The following XCR1 variants were observed in gnomAD, a reference collection of about 807,000 sequenced individuals.
The protein encoded by XCR1 is chemokine XC receptor 1.
For synonymous variants in XCR1, 187 were observed against 188.5 expected, an observed-to-expected ratio of 0.99 and a Z score of 0.06; for missense variants, 356 against 424.2, an observed-to-expected ratio of 0.84 and a Z score of 1.41.
intron 5 of XCR1, among the ~76,000 whole-genome samples, chr3:46,038,378 T>C (rs1342847415): frequency 6.6e-6 from 1 of 152,164 alleles, no homozygotes; most frequent in African/African-American, 2.4e-5. Context: ...CTGAGTAGGA[T>C]AAAAATTTGG....
chr3:46,020,750 G>T lies in XCR1; in HGVS notation c.*196C>A. The T allele has an allele frequency of 1.4e-6, 1 of 714,908 alleles. No homozygotes were observed. The highest frequency in any genetic ancestry group is 2.2e-6 in the Non-Finnish European group (1 of 453,444). The allele number at this position is 714,908 out of a possible 1,614,324, so 44.3% of individuals were successfully genotyped here. On this transcript the variant is annotated 3_prime_UTR_variant, in exon 2 of 2. Coordinates refer to ENST00000309285, the MANE Select transcript of XCR1 (RefSeq NM_001024644.2). ...TTGGATGGCAGTATAAAATTCCCAG[G>T]TAGGAAGCCACTTTCCCGCAGATGA...
chr3:46,081,285 C>A (rs1010832952), intron 1 of XCR1, among the ~76,000 whole-genome samples: 1 of 152,172 alleles, frequency 6.6e-6, no homozygotes, highest in African/African-American at 2.4e-5. Context: ...AAGTTTTTAA[C>A]CTCTCCTGGC....
intron 2 of XCR1, among the ~76,000 whole-genome samples, chr3:46,076,728 T>A (rs548746315): frequency 1.3e-5 from 2 of 152,108 alleles, no homozygotes; most frequent in Non-Finnish European, 2.9e-5. Flanking sequence ...ACCTCAATGG[T>A]CCCAAACTGA....
At chr3:46,083,337 A>T (rs1417021091) in intron 1 of XCR1, among the ~76,000 whole-genome samples, 1 of 152,218 alleles carries the variant, frequency 6.6e-6, no homozygotes, top group Non-Finnish European at 1.5e-5. Context: ...TGGTCCTGTA[A>T]GTGTCTAAGA....
At chr3:46,023,376 C>A in intron 1 of XCR1, 1 of 1,441,038 alleles carries the variant, frequency 6.9e-7, no homozygotes, top group Non-Finnish European at 9.7e-7. Context: ...CAGGCAAATA[C>A]GAAGAGGCGA....
At chr3:46,034,022 G>A (rs1344663390) in intron 5 of XCR1, among the ~76,000 whole-genome samples, 1 of 151,992 alleles carries the variant, frequency 6.6e-6, no homozygotes, top group African/African-American at 2.4e-5. Flanking sequence ...TGCCAGGCTG[G>A]AGTGCAGTGG....
chr3:46,062,314 T>C (rs951144928), intron 4 of XCR1, among the ~76,000 whole-genome samples: 35 of 152,278 alleles, frequency 2.3e-4, no homozygotes, highest in African/African-American at 8.4e-4. Flanking sequence ...CCTCAGCTAC[T>C]TCCACCATGA....
chr3:46,079,057 A>C (rs951723535), intron 1 of XCR1, among the ~76,000 whole-genome samples: 9 of 152,236 alleles, frequency 5.9e-5, no homozygotes, highest in Non-Finnish European at 7.3e-5. Context: ...CTAGAGGAGC[A>C]GTGCTCGTAA....
chr3:46,067,310 GA>G (rs1698095230), intron 3 of XCR1, among the ~76,000 whole-genome samples: 1 of 152,202 alleles, frequency 6.6e-6, no homozygotes, highest in East Asian at 1.9e-4. Context: ...TATCCAGGGA[GA>G]GGGGGCTGAA....
chr3:46,076,577 GA>G (rs3053293), intron 2 of XCR1, among the ~76,000 whole-genome samples: 8,629 of 135,744 alleles, frequency 0.064, 264 homozygotes, highest in East Asian at 0.17. Flanking sequence ...CCATTATTTT[GA>G]AAAAAAAAAA....
intron 5 of XCR1, among the ~76,000 whole-genome samples, chr3:46,043,303 G>A (rs370508359): frequency 1.3e-5 from 2 of 151,678 alleles, no homozygotes; most frequent in East Asian, 1.9e-4. Context: ...TAGCCAACAC[G>A]GTGGTCTATA....
At chr3:46,030,566 G>A (rs1272601555), upstream of XCR1, among the ~76,000 whole-genome samples, 1 of 152,218 alleles carries the variant, frequency 6.6e-6, no homozygotes, top group Non-Finnish European at 1.5e-5. Flanking sequence ...GTATTTGAAT[G>A]CAGGTTTTTG....
chr3:46,030,352 G>T (rs1318228090), upstream of XCR1, among the ~76,000 whole-genome samples: 1 of 152,102 alleles, frequency 6.6e-6, no homozygotes, highest in East Asian at 1.9e-4. Flanking sequence ...TTTCTAATTT[G>T]TTGAGTGTTT....
chr3:46,037,612 C>A (rs1375449503), intron 5 of XCR1, among the ~76,000 whole-genome samples: 1 of 152,010 alleles, frequency 6.6e-6, no homozygotes, highest in Non-Finnish European at 1.5e-5. Context: ...TATCTTTATG[C>A]ACACACAGAG....
intron 3 of XCR1, among the ~76,000 whole-genome samples, chr3:46,068,802 GTGTA>G (rs1205743605): frequency 6.8e-6 from 1 of 147,138 alleles, no homozygotes; most frequent in Admixed American, 6.9e-5. Flanking sequence ...GTGTGTGTGT[GTGTA>G]TGGTTTCTTA....
chr3:46,081,894 C>T (rs1698371755), intron 1 of XCR1, among the ~76,000 whole-genome samples: 1 of 152,056 alleles, frequency 6.6e-6, no homozygotes, highest in Non-Finnish European at 1.5e-5. Flanking sequence ...TCTCTTGTTT[C>T]CGTCTTTATG....
At position 46,020,986 on chromosome 3, in the gene XCR1, G is replaced by A. The variant is rs1367831447; in HGVS notation, c.962C>T (p.Ser321Phe). Residue 321 changes from serine (S) to phenylalanine (F), a missense_variant, in exon 2 of 2, where the codon TCC becomes TTC. Ser to Phe is a radical substitution (Grantham distance 155). Transcript: ENST00000309285. ...QAPSPASIPH[S>F]PGAFAYEGAS... is the part of the protein sequence containing the mutation. The stretch of plus-strand genomic sequence containing the variant: ...GCCCTCATAGGCGAAGGCACCAGGG[G>A]AGTGGGGGATCGAGGCTGGGCTGGG... 1 of 1,612,774 alleles carries A rather than the reference G, an allele frequency of 6.2e-7. No homozygotes were observed. The highest frequency in any genetic ancestry group is 2.2e-5 in the East Asian group (1 of 44,856).
chr3:46,053,592 C>A (rs901005276), intron 5 of XCR1, among the ~76,000 whole-genome samples: 4 of 151,560 alleles, frequency 2.6e-5, no homozygotes, highest in African/African-American at 9.7e-5. Context: ...ACAGTACGAA[C>A]TAAACTCCAA....
chr3:46,070,433 A>C (rs1258764915), intron 3 of XCR1, among the ~76,000 whole-genome samples: 1 of 152,012 alleles, frequency 6.6e-6, no homozygotes, highest in African/African-American at 2.4e-5. Context: ...CTTTAGATCT[A>C]GTAATATTTG....
Sources: gnomAD v4.1 joint callset for allele counts (sites outside exome capture counted in the v4.1 genomes callset) on GRCh38, gnomAD v4.1.1 for gene constraint, MANE v1.5 for transcripts, NCBI Gene and HGNC (gene_info 2026-07-23, HGNC 2026-07-21) for gene names.